PIWIL1: variants seen among roughly 807,000 people sequenced by gnomAD.
The protein encoded by PIWIL1 is piwi like RNA-mediated gene silencing 1.
In PIWIL1, 73 loss-of-function variants were observed where a neutral mutation model predicts 114.4. The ratio of observed to expected loss-of-function variants is 0.64; its 90% CI spans 0.53 to 0.78. The LOEUF (loss-of-function observed/expected upper bound fraction) is 0.78. Ranked by LOEUF, PIWIL1 falls within the 30% of genes least tolerant of loss-of-function variation. The probability of loss-of-function intolerance (pLI) is 0.00; values close to 1 mark genes in which losing one functional copy is unlikely to be tolerated. For synonymous variants in PIWIL1, 375 were observed against 369.0 expected (o/e 1.02, Z -0.19); for missense variants, 723 against 1,063.1 (o/e 0.68, Z 4.45).
the PIWIL1 span, chr12:130,406,105 A>G: frequency 2.8e-6 from 3 of 1,086,730 alleles, no homozygotes; most frequent in African/African-American, 4.7e-5. Context: ...GACTAGCAAA[A>G]CAAAACACAC....
chr12:130,380,648 C>A, the PIWIL1 span, among the ~76,000 whole-genome samples: 1 of 152,356 alleles, frequency 6.6e-6, no homozygotes, highest in South Asian at 2.1e-4. Context: ...TCTTATGTCA[C>A]ATAGCTTTTT....
At chr12:130,342,547 T>G in intron 1 of PIWIL1, 33 bp from the exon 2 acceptor site, 115 of 1,260,356 alleles carry the variant, frequency 9.1e-5, no homozygotes, top group Non-Finnish European at 1.2e-4. Context: ...TTGCCTCCAT[T>G]GAGTATTGTC....
the PIWIL1 span, chr12:130,414,323 G>A: frequency 1.3e-6 from 2 of 1,565,296 alleles, no homozygotes; most frequent in East Asian, 2.3e-5. Context: ...GCAAGTGGGG[G>A]TGAAGAACAG....
chr12:130,406,063 G>A, the PIWIL1 span: 9 of 706,594 alleles, frequency 1.3e-5, no homozygotes, highest in Admixed American at 1.7e-4. Context: ...GCAGGCGTAT[G>A]ACGTTCATGC....
rs552062402 is a variant in PIWIL1, at chr12:130,370,266, G to A, written c.2322-910G>A. On this transcript the variant is annotated intron_variant, in intron 19 of 20. Transcript: ENST00000245255. ...AATGAAAAAAAAAAAAAACTAATGCGTATTCCTTCATATTTGTACTACAGG... is the reference window on the plus strand; with the variant it reads ...AATGAAAAAAAAAAAAAACTAATGCATATTCCTTCATATTTGTACTACAGG... Among the ~76,000 whole-genome samples the A allele has an allele frequency of 1.4e-4, 21 of 150,188 alleles. 2 individuals carry two copies. Among genetic ancestry groups the A allele is most frequent in the Admixed American group, 6.6e-4 (10 of 15,060 alleles).
Position 130,363,089 on chromosome 12 carries a change from A to C in PIWIL1, c.2140A>C (p.Asn714His). 1 of 1,614,246 alleles carries C rather than the reference A, an allele frequency of 6.2e-7. No homozygotes were observed. The highest frequency in any genetic ancestry group is 2.2e-5 in the East Asian group (1 of 44,888). The change falls in exon 18 of 21, where the codon AAC becomes CAC. Residue 714 changes from asparagine to histidine, a missense_variant. Transcript: ENST00000245255. ...VGDGQLKTLVNYEVPQFLDCL... is the reference protein window; with the variant it reads ...VGDGQLKTLVHYEVPQFLDCL... ...AGACGGCCAGCTGAAAACACTGGTGAACTACGAAGTGCCACAGTTTTTGGA... is the reference window on the plus strand; with the variant it reads ...AGACGGCCAGCTGAAAACACTGGTGCACTACGAAGTGCCACAGTTTTTGGA...
At chr12:130,412,539 A>G in the PIWIL1 span, 6 of 1,338,540 alleles carry the variant, frequency 4.5e-6, no homozygotes, top group Admixed American at 4.1e-5. Flanking sequence ...GGGTCTCCTC[A>G]TCACCGCCTG....
chr12:130,355,109 C>G (rs1036567374), intron 11 of PIWIL1, 104 bp downstream of exon 11: 1 of 754,420 alleles, frequency 1.3e-6, no homozygotes, highest in Non-Finnish European at 2.4e-6. Flanking sequence ...TAACTTTCTC[C>G]TTTGGTATCT....
At chr12:130,400,630 GACATA>G in the PIWIL1 span, among the ~76,000 whole-genome samples, 2 of 152,150 alleles carry the variant, frequency 1.3e-5, no homozygotes, top group African/African-American at 4.8e-5. Context: ...TCTAGGAAAT[GACATA>G]AAGAGCCTAC....
the PIWIL1 span, chr12:130,406,215 A>G: frequency 6.2e-7 from 1 of 1,605,196 alleles, no homozygotes; most frequent in Non-Finnish European, 8.5e-7. Context: ...AACTGTAATA[A>G]TATCTCCTGT....
chr12:130,423,414 C>T, the PIWIL1 span, among the ~76,000 whole-genome samples: 29 of 152,174 alleles, frequency 1.9e-4, no homozygotes, highest in South Asian at 6.2e-4. Context: ...CAAGGCCTGG[C>T]GCCATGTGGA....
chr12:130,403,497 A>T, the PIWIL1 span, among the ~76,000 whole-genome samples: 1 of 152,238 alleles, frequency 6.6e-6, no homozygotes, highest in East Asian at 1.9e-4. Context: ...TCTAAATGAA[A>T]AGTACATTCC....
At chr12:130,395,500 A>G in the PIWIL1 span, among the ~76,000 whole-genome samples, 15 of 152,342 alleles carry the variant, frequency 9.8e-5, no homozygotes, top group Admixed American at 3.9e-4. Flanking sequence ...AGGTTTGCCT[A>G]CATTTTCATA....
the PIWIL1 span, among the ~76,000 whole-genome samples, chr12:130,392,634 G>T: frequency 1.1e-3 from 122 of 114,708 alleles, no homozygotes; most frequent in Admixed American, 2.5e-3. Context: ...CAGTTACCTG[G>T]TGAATATTGA....
At chr12:130,374,862 T>A (rs1412533519), downstream of PIWIL1, among the ~76,000 whole-genome samples, 1 of 152,210 alleles carries the variant, frequency 6.6e-6, no homozygotes, top group African/African-American at 2.4e-5. Flanking sequence ...GAGCTCATTC[T>A]CAACAGCCTC....
chr12:130,346,493 C>T lies in PIWIL1; in HGVS notation c.440C>T (p.Ser147Leu). 1 of 1,613,738 alleles carries T rather than the reference C, an allele frequency of 6.2e-7. No homozygotes were observed. Among genetic ancestry groups the T allele is most frequent in the Non-Finnish European group, 8.5e-7 (1 of 1,179,616 alleles). The change falls in exon 5 of 21, where the codon TCA becomes TTA. Residue 147 changes from serine to leucine, a missense_variant. By Grantham distance (145) the Ser-to-Leu change is moderately radical. Coordinates refer to ENST00000245255, the MANE Select transcript of PIWIL1 (RefSeq NM_004764.5). ...NPLMEARRLR[S>L]ALLFQHEDLI... ...CTGATGGAAGCCAGAAGACTCCGTT[C>T]AGCTCTTCTTTTTCAACACGAAGAT...
chr12:130,352,406 C>T (rs754471264), intron 9 of PIWIL1, among the ~76,000 whole-genome samples: 30 of 152,158 alleles, frequency 2.0e-4, no homozygotes, highest in African/African-American at 6.5e-4. Context: ...GGGCCAGGCA[C>T]GATGGGTCAT....
the PIWIL1 span, among the ~76,000 whole-genome samples, chr12:130,395,229 G>T: frequency 1.1e-4 from 16 of 152,186 alleles, no homozygotes; most frequent in African/African-American, 3.6e-4. Context: ...CACTGGTAAT[G>T]GAGAGCTTCC....
intron 19 of PIWIL1, among the ~76,000 whole-genome samples, chr12:130,367,683 C>T (rs79965748): frequency 0.013 from 1,916 of 152,238 alleles, 39 homozygotes; most frequent in African/African-American, 0.044. Context: ...GCTTCTGAGC[C>T]GAGCTGCACT....
Sources: gnomAD v4.1 joint callset for allele counts (sites outside exome capture counted in the v4.1 genomes callset) on GRCh38, gnomAD v4.1.1 for gene constraint, MANE v1.5 for transcripts, NCBI Gene and HGNC (gene_info 2026-07-23, HGNC 2026-07-21) for gene names.